AGK: variants seen among roughly 807,000 people sequenced by gnomAD.
The protein encoded by AGK is acylglycerol kinase, also known as acylglycerol kinase, mitochondrial.
AGK carries 52 observed loss-of-function variants against 66.4 expected under a neutral mutation model. The ratio of observed to expected loss-of-function variants is 0.78; its 90% CI spans 0.63 to 0.99. The LOEUF (loss-of-function observed/expected upper bound fraction) is 0.99, where lower values mean the gene tolerates loss of function less well. Ranked by LOEUF, AGK falls within the 50% of genes least tolerant of loss-of-function variation. The pLI is 0.00. For missense variants in AGK, 451 were observed against 506.6 expected (o/e 0.89, Z 1.05); for synonymous variants, 182 against 181.1 (o/e 1.00, Z -0.04).
chr7:141,554,589 T>C (rs995033699), intron 1 of AGK, among the ~76,000 whole-genome samples: 9 of 152,198 alleles, frequency 5.9e-5, no homozygotes, highest in African/African-American at 2.2e-4. Flanking sequence ...CGGATCTTAC[T>C]TTAGGCATGG....
chr7:141,586,271 C>T (rs977348512), intron 2 of AGK, among the ~76,000 whole-genome samples: 1 of 152,150 alleles, frequency 6.6e-6, no homozygotes, highest in Admixed American at 6.5e-5. Flanking sequence ...TTTAGTTTTT[C>T]ATCCTGTACT....
chr7:141,646,074 G>A, intron 13 of AGK, among the ~76,000 whole-genome samples: 1 of 152,134 alleles, frequency 6.6e-6, no homozygotes, highest in Non-Finnish European at 1.5e-5. Context: ...CGGAGAGGGA[G>A]CCCACACAGA....
rs1009362574 is a variant in AGK, at chr7:141,596,618, T to G, written c.198T>G (p.Phe66Leu). 1.2e-6 allele frequency: 2 copies of G among 1,614,090 alleles called. No homozygotes were observed. Reference sequence around the variant, plus strand: ...CACAAGTGAAGAAGGCCACTGTTTTTCTCAATCCTGCAGCTTGCAAAGGGT... The same window carrying G: ...CACAAGTGAAGAAGGCCACTGTTTTGCTCAATCCTGCAGCTTGCAAAGGGT... ...PNAQVKKATV[F>L]LNPAACKGKA... Residue 66 changes from phenylalanine (F) to leucine (L), a missense_variant, in exon 4 of 16, where the codon TTT (phenylalanine) becomes TTG (leucine). Phe to Leu is a conservative substitution (Grantham distance 22). Coordinates refer to ENST00000649286, the MANE Select transcript of AGK (RefSeq NM_018238.4).
At chr7:141,581,301 A>G (rs976524708) in intron 2 of AGK, among the ~76,000 whole-genome samples, 3 of 151,790 alleles carry the variant, frequency 2.0e-5, no homozygotes, top group Admixed American at 6.6e-5. Flanking sequence ...ATAGTAAAGA[A>G]AGCATGTTTG....
chr7:141,591,312 C>T (rs575414653), intron 2 of AGK, among the ~76,000 whole-genome samples: 52 of 152,062 alleles, frequency 3.4e-4, no homozygotes, highest in African/African-American at 1.1e-3. Flanking sequence ...AGGCTGGTCA[C>T]GAACTCCTGA....
At chr7:141,597,780 A>G (rs991836074) in intron 4 of AGK, among the ~76,000 whole-genome samples, 4 of 150,734 alleles carry the variant, frequency 2.7e-5, no homozygotes, top group African/African-American at 9.8e-5. Flanking sequence ...AGTTGCAGCT[A>G]CTTGGGAGGC....
intron 2 of AGK, among the ~76,000 whole-genome samples, chr7:141,589,989 C>G (rs1009543240): frequency 1.3e-5 from 2 of 152,170 alleles, no homozygotes; most frequent in Non-Finnish European, 2.9e-5. Context: ...TTAACTATCA[C>G]AAAATCTTTT....
At chr7:141,646,831 G>T (rs1254429087) in intron 13 of AGK, among the ~76,000 whole-genome samples, 1 of 152,200 alleles carries the variant, frequency 6.6e-6, no homozygotes, top group Non-Finnish European at 1.5e-5. Flanking sequence ...ATAGCTGTGA[G>T]AGAGACCTCA....
intron 4 of AGK, among the ~76,000 whole-genome samples, chr7:141,600,642 C>T (rs1796321720): frequency 6.6e-6 from 1 of 152,240 alleles, no homozygotes; most frequent in South Asian, 2.1e-4. Flanking sequence ...ATTTTTAGAA[C>T]GCTTCCAGTC....
At chr7:141,608,827 A>G (rs530928962) in intron 5 of AGK, among the ~76,000 whole-genome samples, 1 of 152,142 alleles carries the variant, frequency 6.6e-6, no homozygotes, top group African/African-American at 2.4e-5. Context: ...ACCTGATGTA[A>G]TGTGTCTGTC....
intron 2 of AGK, among the ~76,000 whole-genome samples, chr7:141,557,407 T>C (rs1795232730): frequency 6.6e-6 from 1 of 152,238 alleles, no homozygotes; most frequent in African/African-American, 2.4e-5. Flanking sequence ...TGGCTTCTCC[T>C]TTTTCTAACT....
intron 6 of AGK, among the ~76,000 whole-genome samples, chr7:141,612,072 C>G (rs556749930): frequency 1.3e-5 from 2 of 152,232 alleles, no homozygotes; most frequent in African/African-American, 2.4e-5. Context: ...TGGAAGCAAC[C>G]AAGATGTCCT....
chr7:141,642,729 C>T (rs776956424), intron 13 of AGK, among the ~76,000 whole-genome samples: 24 of 152,098 alleles, frequency 1.6e-4, no homozygotes, highest in African/African-American at 3.1e-4. Flanking sequence ...CAGAAAAATA[C>T]GTAAAGTTCA....
At chr7:141,633,055 C>T (rs1002307790) in intron 9 of AGK, among the ~76,000 whole-genome samples, 2 of 152,152 alleles carry the variant, frequency 1.3e-5, no homozygotes, top group Non-Finnish European at 2.9e-5. Context: ...TACTCTTCTC[C>T]TTGCACTGGC....
At chr7:141,644,374 G>A (rs1322354196) in intron 13 of AGK, among the ~76,000 whole-genome samples, 1 of 152,160 alleles carries the variant, frequency 6.6e-6, no homozygotes, top group Non-Finnish European at 1.5e-5. Flanking sequence ...CTTATCACTA[G>A]TAGCAGCAAA....
At chr7:141,580,837 G>A (rs1795867249) in intron 2 of AGK, among the ~76,000 whole-genome samples, 1 of 151,996 alleles carries the variant, frequency 6.6e-6, no homozygotes, top group Non-Finnish European at 1.5e-5. Context: ...GTAATGAAAA[G>A]GGAGTGAGTG....
rs1648436098 is a variant in AGK, at chr7:141,654,196, C to T, written c.*1272C>T. 1.3e-5 allele frequency: 2 copies of T among 152,106 alleles called. No individual in the cohort carries two copies. The highest frequency in any genetic ancestry group is 2.4e-5 in the African/African-American group (1 of 41,478). 9.4% of individuals were successfully genotyped at this position (152,106 alleles called of 1,614,324 possible). On this transcript the variant is annotated 3_prime_UTR_variant, in exon 16 of 16. Coordinates refer to ENST00000649286, the MANE Select transcript of AGK (RefSeq NM_018238.4). Reference sequence around the variant, plus strand: ...TATCTCAGTCCAGAACCAATATTATCGTAATTAATTATTGGTATATAATGA... The same window carrying T: ...TATCTCAGTCCAGAACCAATATTATTGTAATTAATTATTGGTATATAATGA...
intron 10 of AGK, among the ~76,000 whole-genome samples, chr7:141,636,228 G>T (rs1797165291): frequency 6.6e-6 from 1 of 152,156 alleles, no homozygotes; most frequent in Non-Finnish European, 1.5e-5. Context: ...ATGTGCATTT[G>T]TGTGTGTGAG....
intron 2 of AGK, among the ~76,000 whole-genome samples, chr7:141,565,016 G>A (rs1795440197): frequency 6.6e-6 from 1 of 152,058 alleles, no homozygotes; most frequent in South Asian, 2.1e-4. Flanking sequence ...GTGAGCCACC[G>A]TGCCCAGCCT....
Sources: allele counts gnomAD v4.1 joint callset (sites outside exome capture counted in the v4.1 genomes callset), GRCh38; gene constraint gnomAD v4.1.1; transcripts MANE v1.5; gene names NCBI Gene and HGNC (gene_info 2026-07-23, HGNC 2026-07-21).